Variants in NCR1 observed in about 807,000 individuals in gnomAD.
NCR1 encodes the protein natural cytotoxicity triggering receptor 1, also known as NK cell-activating receptor.
Under a neutral mutation model 32.5 loss-of-function variants are expected in NCR1, and 30 were observed. That is an observed-to-expected ratio of 0.92 (90% CI 0.69 to 1.25). The LOEUF (loss-of-function observed/expected upper bound fraction) is 1.25. NCR1 is among the 50% of genes most tolerant of loss of function. NCR1 has a pLI of 0.00. For missense variants in NCR1, 369 were observed against 380.7 expected, an observed-to-expected ratio of 0.97 and a Z score of 0.26; for synonymous variants, 169 against 143.4, an observed-to-expected ratio of 1.18 and a Z score of -1.28.
Position 54,909,232 on chromosome 19 carries a change from C to A in NCR1, c.356-13C>A, listed in dbSNP as rs587613075. The A allele has an allele frequency of 4.4e-6, 7 of 1,600,610 alleles. No homozygotes were observed. In the African/African-American group the frequency reaches 5.4e-5, roughly 12 times the overall value. ...CTGAGTTTCTGGTGTGGTGGCCCCACCTTCTCTCATAGAAATGTATGACAC... is the reference window on the plus strand; with the variant it reads ...CTGAGTTTCTGGTGTGGTGGCCCCAACTTCTCTCATAGAAATGTATGACAC... On this transcript the variant is annotated splice_polypyrimidine_tract_variant and intron_variant, in intron 3 of 6. Transcript: ENST00000291890.
chr19:54,932,654 T>G, the NCR1 span, among the ~76,000 whole-genome samples: 1 of 151,072 alleles, frequency 6.6e-6, no homozygotes, highest in Non-Finnish European at 1.5e-5. Context: ...TTTTGTTGAG[T>G]TTTTTTTTGT....
At chr19:54,934,515 G>A in the NCR1 span, 21 of 1,614,138 alleles carry the variant, frequency 1.3e-5, no homozygotes, top group South Asian at 1.2e-4. This position sits in a 1 kb window ranked among gnomAD's most constrained non-coding sequence, Gnocchi z 6.7. Flanking sequence ...AGTGTTTTGG[G>A]CGTGTCATGG....
At chr19:54,901,595 C>T (rs954437412), upstream of NCR1, among the ~76,000 whole-genome samples, 5 of 151,720 alleles carry the variant, frequency 3.3e-5, no homozygotes, top group Admixed American at 6.6e-5. Context: ...CTGAGGCAGG[C>T]GGATCACTGG....
At position 54,906,570 on chromosome 19, in the gene NCR1, C is replaced by T; in HGVS notation, c.118C>T (p.Pro40Ser). 1 of 1,613,154 alleles carries T rather than the reference C, an allele frequency of 6.2e-7. No homozygotes were observed. Among genetic ancestry groups the T allele is most frequent in the Non-Finnish European group, 8.5e-7 (1 of 1,180,028 alleles). ...FIWAEPHFMVPKEKQVTICCQ... is the reference protein window; with the variant it reads ...FIWAEPHFMVSKEKQVTICCQ... Reference sequence around the variant, plus strand: ...CTGGGCCGAGCCCCATTTCATGGTTCCAAAGGAAAAGCAAGTGACCATCTG... The same window carrying T: ...CTGGGCCGAGCCCCATTTCATGGTTTCAAAGGAAAAGCAAGTGACCATCTG... The change falls in exon 3 of 7, where the codon CCA (proline) becomes TCA (serine). Residue 40 changes from proline (P) to serine (S), a missense_variant. Pro to Ser is a moderately conservative substitution (Grantham distance 74). Coordinates refer to ENST00000291890, the MANE Select transcript of NCR1 (RefSeq NM_004829.7).
In NCR1 at chr19:54,906,786, T is replaced by C; in HGVS notation, c.334T>C (p.Leu112=). The change falls in exon 3 of 7, where the codon TTG becomes CTG. Residue 112 remains leucine, a synonymous_variant. Coordinates refer to ENST00000291890, the MANE Select transcript of NCR1 (RefSeq NM_004829.7). ...GGAGCTCTGGTCAGAGCCCAGCAAC[T>C]TGCTGGATCTGGTGGTAACAGGTAA... The part of the protein sequence containing the change: ...VGELWSEPSN[L]LDLVVTEMYD... 1.2e-6 allele frequency: 2 copies of C among 1,614,138 alleles called. No individual in the cohort carries two copies. Among genetic ancestry groups the C allele is most frequent in the Non-Finnish European group, 1.7e-6 (2 of 1,180,014 alleles).
chr19:54,914,215 CTT>C (rs373431642), downstream of NCR1, among the ~76,000 whole-genome samples: 19 of 122,424 alleles, frequency 1.6e-4, no homozygotes, highest in African/African-American at 3.8e-4. Context: ...CAGAATTTCA[CTT>C]TTTTTTTTTT....
chr19:54,936,040 A>G, the NCR1 span, among the ~76,000 whole-genome samples: 1 of 152,194 alleles, frequency 6.6e-6, no homozygotes, highest in Admixed American at 6.6e-5. Flanking sequence ...AACCCAGCAC[A>G]GAATTCGGGG....
chr19:54,914,481 G>A (rs569253238), downstream of NCR1, among the ~76,000 whole-genome samples: 1 of 152,108 alleles, frequency 6.6e-6, no homozygotes, highest in African/African-American at 2.4e-5. Flanking sequence ...TGGGATTATA[G>A]GCATGCACCA....
chr19:54,919,630 C>T (rs879719378), downstream of NCR1, among the ~76,000 whole-genome samples: 371 of 151,750 alleles, frequency 2.4e-3, 1 homozygote, highest in Middle Eastern at 0.024. Flanking sequence ...CTCCGGATAA[C>T]TGCGGGCGAG....
At chr19:54,914,843 G>T (rs916667838), downstream of NCR1, among the ~76,000 whole-genome samples, 3 of 151,380 alleles carry the variant, frequency 2.0e-5, no homozygotes, top group Admixed American at 2.0e-4. Flanking sequence ...GGGCTCAAGC[G>T]ATTCTCCTTC....
chr19:54,898,371 G>C, the NCR1 span, among the ~76,000 whole-genome samples: 1 of 152,180 alleles, frequency 6.6e-6, no homozygotes, highest in African/African-American at 2.4e-5. Flanking sequence ...AGAGGTTCTG[G>C]AGGAACCCCT....
At chr19:54,911,147 C>A (rs2067952580) in intron 5 of NCR1, among the ~76,000 whole-genome samples, 1 of 151,666 alleles carries the variant, frequency 6.6e-6, no homozygotes, top group Non-Finnish European at 1.5e-5. Flanking sequence ...GAGATCAAGA[C>A]CATCCTGGCT....
At chr19:54,901,360 C>CAAAAAA (rs80189325), upstream of NCR1, among the ~76,000 whole-genome samples, 9 of 91,176 alleles carry the variant, frequency 9.9e-5, no homozygotes, top group African/African-American at 1.5e-4. Flanking sequence ...GAGTCCATCT[C>CAAAAAA]AAAAAAAAAA....
the NCR1 span, among the ~76,000 whole-genome samples, chr19:54,935,289 G>A: frequency 6.6e-6 from 1 of 152,100 alleles, no homozygotes; most frequent in East Asian, 1.9e-4. Flanking sequence ...GAGTGCAGTG[G>A]CATGATCACA....
upstream of NCR1, among the ~76,000 whole-genome samples, chr19:54,903,442 GTA>G (rs943854824): frequency 5.3e-5 from 6 of 114,244 alleles, no homozygotes; most frequent in African/African-American, 2.0e-4. Context: ...ACGCATACAT[GTA>G]TGTATATACA....
the NCR1 span, among the ~76,000 whole-genome samples, chr19:54,935,816 G>A: frequency 6.6e-6 from 1 of 152,112 alleles, no homozygotes; most frequent in Non-Finnish European, 1.5e-5. Flanking sequence ...AAAGTGCGAG[G>A]ATCATGCACT....
At chr19:54,904,342 C>T (rs1024170337), upstream of NCR1, among the ~76,000 whole-genome samples, 8 of 151,514 alleles carry the variant, frequency 5.3e-5, no homozygotes, top group Non-Finnish European at 1.0e-4. Context: ...ACGTCAAAAC[C>T]CCTATTTTTA....
Position 54,912,983 on chromosome 19 carries a change from A to G in NCR1, c.*112A>G, listed in dbSNP as rs964159228. The G allele has an allele frequency of 1.0e-6, 1 of 981,058 alleles. No individual in the cohort carries two copies. The highest frequency in any genetic ancestry group is 1.5e-6 in the Non-Finnish European group (1 of 672,066). 60.8% of individuals were successfully genotyped at this position (981,058 alleles called of 1,614,324 possible). On this transcript the variant is annotated 3_prime_UTR_variant, in exon 7 of 7. Transcript: ENST00000291890. ...GAGGAGGGAGTCACTGCAGGGAAAG[A>G]GGGACACTGGCATTCCATTTGTCAG...
At chr19:54,907,163 T>A (rs1215466398) in intron 3 of NCR1, among the ~76,000 whole-genome samples, 4 of 151,246 alleles carry the variant, frequency 2.6e-5, no homozygotes, top group East Asian at 1.9e-4. Flanking sequence ...TTTTTTTTTT[T>A]ATCTGTTTTG....
Sources: allele counts gnomAD v4.1 joint callset (sites outside exome capture counted in the v4.1 genomes callset), GRCh38; gene constraint gnomAD v4.1.1; non-coding constraint Gnocchi (gnomAD v3.1); transcripts MANE v1.5; gene names NCBI Gene and HGNC (gene_info 2026-07-23, HGNC 2026-07-21).